Variants in ADCY6 observed in about 807,000 individuals in gnomAD.
The protein encoded by ADCY6 is adenylate cyclase 6.
ADCY6 carries 59 observed loss-of-function variants against 111.6 expected under a neutral mutation model. The observed-to-expected ratio is 0.53, with a 90% CI of 0.43 to 0.66. The LOEUF (loss-of-function observed/expected upper bound fraction) is 0.66, where lower values mean the gene tolerates loss of function less well. ADCY6 is among the 30% of genes least tolerant of loss of function. The pLI is 0.00. For missense variants in ADCY6, 1,242 were observed against 1,595.6 expected, an observed-to-expected ratio of 0.78 and a Z score of 3.78; for synonymous variants, 576 against 642.9, an observed-to-expected ratio of 0.90 and a Z score of 1.57.
rs907849985 is a variant in ADCY6 at position 48,774,153 on chromosome 12, T to C, written c.2284-55A>G. Reference sequence around the variant, plus strand: ...ACCAAGGAGGGAAAGGGTTGCAAGGTACCTGGTGAAGCCATGTACCCTAAC... The same window carrying C: ...ACCAAGGAGGGAAAGGGTTGCAAGGCACCTGGTGAAGCCATGTACCCTAAC... On this transcript the variant is annotated intron_variant, in intron 14 of 21. Transcript: ENST00000357869. 7 of 1,525,902 alleles carry C rather than the reference T, an allele frequency of 4.6e-6. No homozygotes were observed. The African/African-American group carries it at 9.6e-5, about 21-fold the overall frequency. The allele number at this position is 1,525,902 out of a possible 1,614,324, so 94.5% of individuals were successfully genotyped here.
chr12:48,774,231 G>A, intron 14 of ADCY6, 133 bp from the exon 15 acceptor site: 6 of 1,066,836 alleles, frequency 5.6e-6, no homozygotes, highest in Non-Finnish European at 8.3e-6. Context: ...CTCACTCAGG[G>A]ATGACAAGAG....
In ADCY6 at chr12:48,785,584, G is replaced by A. The variant is rs141311845; in HGVS notation, c.-4-2146C>T. Among the ~76,000 whole-genome samples, 197 of 152,206 alleles carry A rather than the reference G, an allele frequency of 1.3e-3. 1 individual carries two copies. Among genetic ancestry groups the A allele is most frequent in the East Asian group, 7.9e-3 (41 of 5,176 alleles). On this transcript the variant is annotated intron_variant, in intron 1 of 21. Transcript: ENST00000357869. Reference sequence around the variant, plus strand: ...CAGTGAGCTGAGATCACACCATTGCGCTCCAGCTTGGGCAATAAGAGCGAA... The same window carrying A: ...CAGTGAGCTGAGATCACACCATTGCACTCCAGCTTGGGCAATAAGAGCGAA...
In ADCY6 at chr12:48,774,742, G is replaced by T; in HGVS notation, c.2115C>A (p.Phe705Leu). The change falls in exon 13 of 22, where the codon TTC becomes TTA. Residue 705 changes from phenylalanine (F) to leucine (L), a missense_variant. Physicochemically the swap from Phe to Leu is conservative, Grantham distance 22. Transcript: ENST00000357869. ...TLMLGIYASI[F>L]LLLLITVLIC... is the part of the protein sequence containing the mutation. ...TCAGCACGGTGATTAGCAGCAGCAG[G>T]AAGATGCTGGCATAGATCCCAAGCA... 6.2e-7 allele frequency: 1 copy of T among 1,614,134 alleles called. No homozygotes were observed.
chr12:48,787,319 C>A (rs917761113), intron 1 of ADCY6, among the ~76,000 whole-genome samples: 1 of 151,978 alleles, frequency 6.6e-6, no homozygotes, highest in Non-Finnish European at 1.5e-5. Flanking sequence ...TCCAAGCCCC[C>A]TGGAAACACA....
At chr12:48,772,604 T>C in intron 16 of ADCY6, 61 bp from the exon 17 acceptor site, 2 of 1,593,754 alleles carry the variant, frequency 1.3e-6, no homozygotes, top group Admixed American at 1.7e-5. Context: ...GGTGGGCACA[T>C]GGAAGGGGAG....
intron 1 of ADCY6, among the ~76,000 whole-genome samples, chr12:48,786,318 C>T (rs574463200): frequency 6.6e-4 from 101 of 152,144 alleles, no homozygotes; most frequent in Non-Finnish European, 1.2e-3. Flanking sequence ...CAAGATCTGT[C>T]AGCACCCCTT....
chr12:48,772,684 T>C (rs1941583234), intron 16 of ADCY6, 141 bp from the exon 17 acceptor site: 1 of 932,544 alleles, frequency 1.1e-6, no homozygotes. Flanking sequence ...CTTACATTAA[T>C]TAACTCATTA....
Position 48,782,580 on chromosome 12 carries a change from G to A in ADCY6, c.855C>T (p.Leu285=). Residue 285 remains leucine, a synonymous_variant, in exon 2 of 22, where the codon CTC becomes CTT. Coordinates refer to ENST00000357869, the MANE Select transcript of ADCY6 (RefSeq NM_015270.5). This position sits in a 1 kb window ranked among gnomAD's most constrained non-coding sequence, Gnocchi z 4.3. ...CTCCCTGGCCACCTACCTGCTTCCAGAGGAAGGCATCACCACGGTTAAGTT... is the reference window on the plus strand; with the variant it reads ...CTCCCTGGCCACCTACCTGCTTCCAAAGGAAGGCATCACCACGGTTAAGTT... ...AWQLNRGDAF[L]WKQLGANVLL... 6.2e-7 allele frequency: 1 copy of A among 1,610,338 alleles called. No individual in the cohort carries two copies. Among genetic ancestry groups the A allele is most frequent in the Non-Finnish European group, 8.5e-7 (1 of 1,177,990 alleles).
chr12:48,773,325 G>T, intron 16 of ADCY6, 144 bp downstream of exon 16: 1 of 898,208 alleles, frequency 1.1e-6, no homozygotes, highest in Non-Finnish European at 1.7e-6. Flanking sequence ...CACATGCTGG[G>T]AGCTCCTCCA....
Position 48,772,360 on chromosome 12 carries a change from C to A in ADCY6, c.2722G>T (p.Ala908Ser), listed in dbSNP as rs780094132. The A allele has an allele frequency of 1.9e-6, 3 of 1,614,160 alleles. No homozygotes were observed. Among genetic ancestry groups the A allele is most frequent in the Non-Finnish European group, 2.5e-6 (3 of 1,180,016 alleles). Residue 908 changes from alanine to serine, a missense_variant, in exon 18 of 22, where the codon GCG becomes TCG. Transcript: ENST00000357869. ...TPVILLVFAL[A>S]LYLHAQQVES... The stretch of plus-strand genomic sequence containing the variant: ...ACCTGCTGAGCATGCAGATACAGCG[C>A]CAGCGCAAACACCAGCAGAATCACA...
At position 48,776,473 on chromosome 12, in the gene ADCY6, T is replaced by C. The variant is rs1446810799; in HGVS notation, c.1490A>G (p.Asn497Ser). 6.2e-7 allele frequency: 1 copy of C among 1,604,286 alleles called. No individual in the cohort carries two copies. Among genetic ancestry groups the C allele is most frequent in the Admixed American group, 1.7e-5 (1 of 59,456 alleles). Residue 497 changes from asparagine to serine, a missense_variant, in exon 7 of 22, where the codon AAT (asparagine) becomes AGT (serine). Physicochemically the swap from Asn to Ser is conservative, Grantham distance 46 (BLOSUM62 1). Coordinates refer to ENST00000357869, the MANE Select transcript of ADCY6 (RefSeq NM_015270.5). The surrounding 1 kb of genome is among the most constrained non-coding windows in gnomAD (Gnocchi z 6.1). The stretch of plus-strand genomic sequence containing the variant: ...CATGTGGTTGGCCAGGGTCACATCA[T>C]TGGACCACACATCGAACTGCCATTT... ...LRKWQFDVWS[N>S]DVTLANHMEA...
chr12:48,770,705 A>G (rs1171135287), intron 20 of ADCY6, 61 bp downstream of exon 20: 3 of 1,542,664 alleles, frequency 1.9e-6, no homozygotes, highest in Non-Finnish European at 2.7e-6. Flanking sequence ...CCCAGCCTAT[A>G]ATCCCAGCTT....
intron 1 of ADCY6, among the ~76,000 whole-genome samples, chr12:48,787,724 G>A (rs533495883): frequency 1.2e-4 from 18 of 152,260 alleles, no homozygotes; most frequent in African/African-American, 3.6e-4. Flanking sequence ...CCTCCCCTGA[G>A]TGTTGGTCCA....
At position 48,780,576 on chromosome 12, in the gene ADCY6, G is replaced by A. The variant is rs1941815544; in HGVS notation, c.864+1995C>T. 4.6e-5 allele frequency among the ~76,000 whole-genome samples: 7 copies of A among 152,288 alleles called. No homozygotes were observed. In the South Asian group the frequency reaches 1.5e-3, roughly 32 times the overall value. ...ATGAAGCTGTAGCCAGACACTCCTG[G>A]GGAGACGGGCACAGTCCTGGCCTCC... On this transcript the variant is annotated intron_variant, in intron 2 of 21. Transcript: ENST00000357869.
intron 1 of ADCY6, among the ~76,000 whole-genome samples, chr12:48,786,055 A>G (rs1244410416): frequency 6.6e-6 from 1 of 152,182 alleles, no homozygotes; most frequent in Non-Finnish European, 1.5e-5. Context: ...CACCAGGGCC[A>G]CACTCCTCTA....
chr12:48,783,663 C>A (rs761517286), intron 1 of ADCY6: 13 of 1,044,536 alleles, frequency 1.2e-5, no homozygotes, highest in African/African-American at 1.6e-5. Context: ...TTGCCCAAAA[C>A]CAGGCACAGT....
At chr12:48,788,480 G>T (rs1942022587) in intron 1 of ADCY6, among the ~76,000 whole-genome samples, 1 of 152,054 alleles carries the variant, frequency 6.6e-6, no homozygotes, top group South Asian at 2.1e-4. Flanking sequence ...TGAGGGGAAG[G>T]AGAGGGACTC....
chr12:48,780,064 C>T (rs545679245), intron 2 of ADCY6, among the ~76,000 whole-genome samples: 1 of 152,220 alleles, frequency 6.6e-6, no homozygotes, highest in African/African-American at 2.4e-5. Context: ...AAGAATAGCC[C>T]CCAGTGGGGG....
rs139469334 is a variant in ADCY6, at chr12:48,783,328, C to T, written c.107G>A (p.Gly36Asp). The change falls in exon 2 of 22, where the codon GGT (glycine) becomes GAT (aspartate). Residue 36 changes from glycine to aspartate, a missense_variant. This residue lies in a region of ADCY6 where 362 missense variants were observed against 377.2 expected (regional missense o/e 0.96). Coordinates refer to ENST00000357869, the MANE Select transcript of ADCY6 (RefSeq NM_015270.5). ...CATATAGCGGGGCGTGCAGAAGCCA[C>T]CTGCCCGAGTGCCACGGCGCCGCGA... ...KRSRRRGTRA[G>D]GFCTPRYMSC... The T allele has an allele frequency of 7.4e-6, 12 of 1,613,856 alleles. No individual in the cohort carries two copies. The African/African-American group carries it at 1.3e-4, about 18-fold the overall frequency.
Sources: allele counts gnomAD v4.1 joint callset (sites outside exome capture counted in the v4.1 genomes callset), GRCh38; gene constraint gnomAD v4.1.1; regional missense constraint gnomAD v4.1.1; non-coding constraint Gnocchi (gnomAD v3.1); transcripts MANE v1.5; gene names NCBI Gene and HGNC (gene_info 2026-07-23, HGNC 2026-07-21).